TCF7L1: variants seen among roughly 807,000 people sequenced by gnomAD.
TCF7L1 encodes transcription factor 7 like 1.
TCF7L1 carries 18 observed loss-of-function variants against 63.7 expected under a neutral mutation model. The ratio of observed to expected loss-of-function variants is 0.28; its 90% CI spans 0.20 to 0.42. The LOEUF is 0.42. Among genes scored for constraint, TCF7L1 ranks in the 10% least tolerant of loss-of-function variants. TCF7L1 has a pLI of 1.00. For synonymous variants in TCF7L1, 355 were observed against 340.9 expected, an observed-to-expected ratio of 1.04 and a Z score of -0.46; for missense variants, 654 against 779.3, an observed-to-expected ratio of 0.84 and a Z score of 1.91.
chr2:85,297,813 C>T (rs1230244485), intron 4 of TCF7L1, among the ~76,000 whole-genome samples: 1 of 152,018 alleles, frequency 6.6e-6, no homozygotes, highest in South Asian at 2.1e-4. Flanking sequence ...CTCATTGACA[C>T]CTTCCCTGGT....
intron 3 of TCF7L1, among the ~76,000 whole-genome samples, chr2:85,209,237 C>T (rs1325728916): frequency 6.6e-6 from 1 of 152,192 alleles, no homozygotes. Context: ...ATTGCTGTCT[C>T]CAATGGAGGG....
intron 4 of TCF7L1, among the ~76,000 whole-genome samples, chr2:85,296,950 T>C (rs572144815): frequency 1.3e-5 from 2 of 152,366 alleles, no homozygotes; most frequent in South Asian, 2.1e-4. Flanking sequence ...AAGAGCTCCT[T>C]TGAATTCTAT....
rs112896596 is a variant in TCF7L1 at position 85,258,783 on chromosome 2, C to T, written c.442-24712C>T. ...GGGCTGTCTGCATGCCCTTCCTTCC[C>T]CAGTGGGTGACCATCACTGACCCCT... On this transcript the variant is annotated intron_variant, in intron 3 of 11. Transcript: ENST00000282111. 7.7e-3 allele frequency among the ~76,000 whole-genome samples: 1,166 copies of T among 152,302 alleles called. 15 individuals are homozygous for T. The highest frequency in any genetic ancestry group is 0.027 in the African/African-American group (1,109 of 41,536).
intron 3 of TCF7L1, among the ~76,000 whole-genome samples, chr2:85,214,332 T>G (rs1679643508): frequency 1.3e-5 from 2 of 152,202 alleles, no homozygotes; most frequent in South Asian, 4.1e-4. Flanking sequence ...GGGGCAGTCT[T>G]AGTCACCAGG....
Position 85,180,234 on chromosome 2 carries a change from G to GTT in TCF7L1, c.441+45794_441+45795dup, listed in dbSNP as rs533753747. ...GGTTTTTTTTTTTGTTTTTGTTTTT[G>GTT]TTTTTTTTTTTGGTAGAGACAGGGT... On this transcript the variant is annotated intron_variant, in intron 3 of 11. Transcript: ENST00000282111. Among the ~76,000 whole-genome samples the GTT allele has an allele frequency of 7.9e-4, 110 of 139,388 alleles. 1 individual carries two copies. The highest frequency in any genetic ancestry group is 2.7e-3 in the African/African-American group (102 of 38,082). The allele number at this position is 139,388 out of a possible 152,430, so 91.4% of individuals were successfully genotyped here.
At chr2:85,281,024 T>A (rs74857599) in intron 3 of TCF7L1, among the ~76,000 whole-genome samples, 1 of 19,910 alleles carries the variant, frequency 5.0e-5, no homozygotes, top group African/African-American at 8.2e-5. Flanking sequence ...TAGCTCCTTT[T>A]TTTTTTTTTT....
intron 3 of TCF7L1, among the ~76,000 whole-genome samples, chr2:85,269,363 C>G (rs1681089939): frequency 6.6e-6 from 1 of 152,176 alleles, no homozygotes; most frequent in South Asian, 2.1e-4. Flanking sequence ...TCCAAGATAT[C>G]AAACTTTGCC....
rs1191331270 is a variant in TCF7L1, at chr2:85,160,631, C to T, written c.441+26181C>T. 2.0e-5 allele frequency among the ~76,000 whole-genome samples: 3 copies of T among 152,058 alleles called. No homozygotes were observed. In the East Asian group the frequency reaches 5.8e-4, roughly 29 times the overall value. On this transcript the variant is annotated intron_variant, in intron 3 of 11. Coordinates refer to ENST00000282111, the MANE Select transcript of TCF7L1 (RefSeq NM_031283.3). ...CTTTCGGAGGCCGAGGTGGGAGGCT[C>T]CTTGCTTGAGCCCAGGAGTTCCAGA...
chr2:85,201,494 T>C (rs1679272210), intron 3 of TCF7L1, among the ~76,000 whole-genome samples: 1 of 152,242 alleles, frequency 6.6e-6, no homozygotes, highest in South Asian at 2.1e-4. Flanking sequence ...CTACATAGTT[T>C]ACAAGTTTTT....
chr2:85,169,320 C>G (rs966332575), intron 3 of TCF7L1, among the ~76,000 whole-genome samples: 1 of 151,774 alleles, frequency 6.6e-6, no homozygotes, highest in African/African-American at 2.4e-5. Flanking sequence ...GCTTTGATGA[C>G]CTGAACTCCA....
At chr2:85,195,310 C>T (rs565322030) in intron 3 of TCF7L1, among the ~76,000 whole-genome samples, 20 of 152,270 alleles carry the variant, frequency 1.3e-4, no homozygotes, top group Middle Eastern at 3.4e-3. Context: ...GTGCATGGGA[C>T]GTGGTGGCTT....
chr2:85,308,950 T>C, intron 11 of TCF7L1, 79 bp from the exon 12 acceptor site: 1 of 1,473,456 alleles, frequency 6.8e-7, no homozygotes. Context: ...CCAAAGCACA[T>C]GTATCGCCAG....
chr2:85,280,302 C>A (rs936987341), intron 3 of TCF7L1, among the ~76,000 whole-genome samples: 1 of 152,142 alleles, frequency 6.6e-6, no homozygotes, highest in Non-Finnish European at 1.5e-5. Context: ...CAGCCCACCA[C>A]CCCCAATAAA....
In TCF7L1 at chr2:85,306,502, G is replaced by C. The variant is rs1300840673; in HGVS notation, c.1200G>C (p.Arg400=). The change falls in exon 10 of 12, where the codon CGG becomes CGC. Residue 400 remains arginine, a synonymous_variant. Coordinates refer to ENST00000282111, the MANE Select transcript of TCF7L1 (RefSeq NM_031283.3). The surrounding 1 kb of genome is among the most constrained non-coding windows in gnomAD (Gnocchi z 4.3). The part of the protein sequence containing the change: ...EEQAKYYELA[R]KERQLHSQLY... ...AGGCCAAGTACTACGAGCTGGCCCG[G>C]AAGGAGCGGCAGCTTCACTCGCAGC... 3 of 1,614,046 alleles carry C rather than the reference G, an allele frequency of 1.9e-6. No individual in the cohort carries two copies. The African/African-American group carries it at 4.0e-5, about 22-fold the overall frequency.
chr2:85,248,008 T>A (rs779012766), intron 3 of TCF7L1, among the ~76,000 whole-genome samples: 51 of 152,208 alleles, frequency 3.4e-4, no homozygotes, highest in Non-Finnish European at 1.2e-4. Context: ...CCGGTAGTGT[T>A]CGGTTCTGTT....
intron 3 of TCF7L1, among the ~76,000 whole-genome samples, chr2:85,204,164 C>T (rs1679339080): frequency 6.6e-6 from 1 of 152,132 alleles, no homozygotes; most frequent in South Asian, 2.1e-4. Flanking sequence ...AGCTCCACTT[C>T]ACTCACTGCT....
At chr2:85,200,990 C>T (rs1277487355) in intron 3 of TCF7L1, among the ~76,000 whole-genome samples, 3 of 152,092 alleles carry the variant, frequency 2.0e-5, no homozygotes. Context: ...TACCTGAGGT[C>T]GGGAGTTCAA....
intron 3 of TCF7L1, among the ~76,000 whole-genome samples, chr2:85,249,313 C>G (rs543910334): frequency 5.6e-4 from 85 of 152,332 alleles, no homozygotes; most frequent in Non-Finnish European, 7.3e-4. Context: ...GGCCCCGATT[C>G]TCGTGCAGTT....
intron 3 of TCF7L1, among the ~76,000 whole-genome samples, chr2:85,152,055 C>T (rs376561690): frequency 1.3e-5 from 2 of 152,198 alleles, no homozygotes; most frequent in South Asian, 4.1e-4. Context: ...CTTATTGATA[C>T]CCAAACTGTC....
Sources: allele counts gnomAD v4.1 joint callset (sites outside exome capture counted in the v4.1 genomes callset), GRCh38; gene constraint gnomAD v4.1.1; non-coding constraint Gnocchi (gnomAD v3.1); transcripts MANE v1.5; gene names NCBI Gene and HGNC (gene_info 2026-07-23, HGNC 2026-07-21).